PKHD1L1: variants seen among roughly 807,000 people sequenced by gnomAD.
The protein encoded by PKHD1L1 is PKHD1 like 1.
A neutral mutation model predicts 462.9 loss-of-function variants in PKHD1L1; 434 were observed. The observed-to-expected ratio is 0.94, with a 90% CI of 0.87 to 1.02. The LOEUF (loss-of-function observed/expected upper bound fraction) is 1.02. PKHD1L1 is among the 50% of genes least tolerant of loss of function. The pLI is 0.00. For synonymous variants in PKHD1L1, 1,781 were observed against 1,750.0 expected, an observed-to-expected ratio of 1.02 and a Z score of -0.44; for missense variants, 5,202 against 5,096.1, an observed-to-expected ratio of 1.02 and a Z score of -0.63.
At chr8:109,363,784 C>CGGAA (rs1811094342) in intron 1 of PKHD1L1, among the ~76,000 whole-genome samples, 1 of 152,122 alleles carries the variant, frequency 6.6e-6, no homozygotes, top group Non-Finnish European at 1.5e-5. Context: ...CATATTTGTC[C>CGGAA]TTAAAAATGT....
chr8:109,409,644 G>A (rs1341697912), intron 18 of PKHD1L1, among the ~76,000 whole-genome samples: 1 of 152,122 alleles, frequency 6.6e-6, no homozygotes. Flanking sequence ...CCAATTGTAT[G>A]TAACTATTGT....
intron 50 of PKHD1L1, among the ~76,000 whole-genome samples, chr8:109,472,696 G>C (rs1003104469): frequency 2.1e-5 from 3 of 140,212 alleles, no homozygotes; most frequent in African/African-American, 8.0e-5. Flanking sequence ...ACTATGCTAG[G>C]CATTTTACTT....
Position 109,429,433 on chromosome 8 carries a change from C to T in PKHD1L1, c.3094C>T (p.Leu1032=). The T allele has an allele frequency of 6.2e-7, 1 of 1,607,806 alleles. No individual in the cohort carries two copies. The highest frequency in any genetic ancestry group is 8.5e-7 in the Non-Finnish European group (1 of 1,176,676). ...GLFRQHVLGD[L]LRTPSQQPQV... is the part of the protein sequence containing the mutation. ...ATTCAGACAACATGTACTTGGAGAC[C>T]TACTTCGTACACCCAGTCAACAGCC... The change falls in exon 26 of 78, where the codon CTA becomes TTA. Residue 1032 remains leucine, a synonymous_variant. Transcript: ENST00000378402.
intron 50 of PKHD1L1, among the ~76,000 whole-genome samples, chr8:109,474,764 T>TCC (rs1247531475): frequency 6.6e-6 from 1 of 152,122 alleles, no homozygotes; most frequent in Non-Finnish European, 1.5e-5. Context: ...TATATTAATA[T>TCC]ATTTAGGCAC....
At chr8:109,477,153 T>A in intron 52 of PKHD1L1, 72 bp from the exon 53 acceptor site, 1 of 1,499,924 alleles carries the variant, frequency 6.7e-7, no homozygotes, top group Admixed American at 1.9e-5. Context: ...TTTTCCAAAA[T>A]TCCATAATTT....
intron 46 of PKHD1L1, among the ~76,000 whole-genome samples, chr8:109,458,225 T>C (rs957818407): frequency 6.6e-6 from 1 of 152,158 alleles, no homozygotes; most frequent in Non-Finnish European, 1.5e-5. Context: ...ATTATCATCA[T>C]TCATTATTTC....
At chr8:109,370,473 ATATTTTATTTTATT>A (rs1379043048) in intron 2 of PKHD1L1, among the ~76,000 whole-genome samples, 1 of 151,216 alleles carries the variant, frequency 6.6e-6, no homozygotes, top group Non-Finnish European at 1.5e-5. Context: ...ATTTTTTCTT[ATATTTTATTTTATT>A]TATTTTATTT....
Position 109,530,088 on chromosome 8 carries a change from T to C in PKHD1L1, c.12730T>C (p.Ter4244GlnextTer16). 1 of 1,366,358 alleles carries C rather than the reference T, an allele frequency of 7.3e-7. No homozygotes were observed. The highest frequency in any genetic ancestry group is 9.6e-7 in the Non-Finnish European group (1 of 1,039,228). The allele number at this position is 1,366,358 out of a possible 1,614,324, so 84.6% of individuals were successfully genotyped here. Reference protein sequence around the residue: ...STLNITLRSY* With the variant: ...STLNITLRSYQ The stretch of plus-strand genomic sequence containing the variant: ...TTGTTTCCATTTTTCAGGAAGCTAC[T>C]AAAGTGCTGTTCCGAAGAATAGGCT... Residue 4244 changes from the stop codon to glutamine, a stop_lost, in exon 78 of 78, where the codon TAA (stop) becomes CAA (glutamine). Transcript: ENST00000378402.
In PKHD1L1 at chr8:109,515,251, A is replaced by G. The variant is rs1820207263; in HGVS notation, c.11635A>G (p.Thr3879Ala). ...VNNLLVCPKT[T>A]IWNAQQKHCE... ...CAACTTATTGGTCTGTCCAAAAACT[A>G]CAATATGGAATGCCCAGCAGAAACA... The change falls in exon 72 of 78, where the codon ACA becomes GCA. Residue 3879 changes from threonine (T) to alanine (A), a missense_variant. Physicochemically the swap from Thr to Ala is moderately conservative, Grantham distance 58. Transcript: ENST00000378402. 6.2e-7 allele frequency: 1 copy of G among 1,603,532 alleles called. No individual in the cohort carries two copies. Among genetic ancestry groups the G allele is most frequent in the Admixed American group, 1.7e-5 (1 of 59,050 alleles).
chr8:109,437,698 C>A (rs1027145401), intron 30 of PKHD1L1, among the ~76,000 whole-genome samples: 3 of 151,536 alleles, frequency 2.0e-5, no homozygotes, highest in Non-Finnish European at 4.4e-5. Flanking sequence ...TTTTTTGGAC[C>A]AAATGATGGA....
chr8:109,491,943 C>G lies in PKHD1L1; in HGVS notation c.10185C>G (p.Thr3395=), dbSNP rs577711715. The change falls in exon 62 of 78, where the codon ACC becomes ACG. Residue 3395 remains threonine, a synonymous_variant. Transcript: ENST00000378402. ...TTGCACTTTCGGTTTGGCCAGGAAC[C>G]TATCAGAACAGAAAAGATTTAAGTT... The part of the protein sequence containing the change: ...NLIALSVWPG[T]YQNRKDLSST... The G allele has an allele frequency of 3.8e-6, 6 of 1,599,202 alleles. No homozygotes were observed. In the South Asian group the frequency reaches 5.6e-5, roughly 15 times the overall value.
chr8:109,502,896 AG>A (rs534751751), intron 67 of PKHD1L1, among the ~76,000 whole-genome samples: 104 of 152,332 alleles, frequency 6.8e-4, no homozygotes, highest in African/African-American at 2.0e-3. Flanking sequence ...TTGAGGCAAA[AG>A]GTTCTTCCAT....
intron 73 of PKHD1L1, among the ~76,000 whole-genome samples, chr8:109,521,038 T>G (rs559641289): frequency 2.0e-4 from 30 of 152,242 alleles, no homozygotes; most frequent in Non-Finnish European, 3.8e-4. Context: ...TGGAGAAGGC[T>G]GTTTCTGGAG....
chr8:109,482,982 T>G lies in PKHD1L1; in HGVS notation c.9458-5T>G. On this transcript the variant is annotated splice_polypyrimidine_tract_variant and splice_region_variant and intron_variant, in intron 56 of 77. Transcript: ENST00000378402. ...AATAAGTAGGAGTGTGCTTTTCTTC[T>G]TTAGGGGTGTTTGGTGAGCTGGATC... 1.9e-6 allele frequency: 3 copies of G among 1,577,924 alleles called. No homozygotes were observed. The highest frequency in any genetic ancestry group is 2.6e-6 in the Non-Finnish European group (3 of 1,160,500).
At chr8:109,364,911 G>A (rs1811157076) in intron 2 of PKHD1L1, among the ~76,000 whole-genome samples, 1 of 152,068 alleles carries the variant, frequency 6.6e-6, no homozygotes, top group Non-Finnish European at 1.5e-5. Context: ...ACCCAACTCA[G>A]CAATTATTTG....
Position 109,459,615 on chromosome 8 carries a change from A to C in PKHD1L1, c.7025A>C (p.Glu2342Ala). The change falls in exon 47 of 78, where the codon GAA becomes GCA. Residue 2342 changes from glutamate to alanine, a missense_variant. This residue lies in a region of PKHD1L1 where 4,497 missense variants were observed against 4,336.8 expected (regional missense o/e 1.04). Coordinates refer to ENST00000378402, the MANE Select transcript of PKHD1L1 (RefSeq NM_177531.6). ...TGHRHSQGEN[E>A]KMTIASVSAD... Reference sequence around the variant, plus strand: ...TACAGACACAGTCAAGGAGAGAATGAAAAAATGACCATTGCATCTGTGTCT... The same window carrying C: ...TACAGACACAGTCAAGGAGAGAATGCAAAAATGACCATTGCATCTGTGTCT... The C allele has an allele frequency of 2.6e-6, 4 of 1,567,670 alleles. No individual in the cohort carries two copies. The highest frequency in any genetic ancestry group is 3.5e-6 in the Non-Finnish European group (4 of 1,155,462).
At chr8:109,411,211 T>C (rs1044501918) in intron 19 of PKHD1L1, among the ~76,000 whole-genome samples, 4 of 152,208 alleles carry the variant, frequency 2.6e-5, no homozygotes, top group African/African-American at 4.8e-5. Flanking sequence ...CTTAATGAGA[T>C]ATTTTCTTTA....
rs149878046 is a variant in PKHD1L1, at chr8:109,481,592, C to T, written c.9457+30C>T. On this transcript the variant is annotated intron_variant, in intron 56 of 77. Coordinates refer to ENST00000378402, the MANE Select transcript of PKHD1L1 (RefSeq NM_177531.6). The stretch of plus-strand genomic sequence containing the variant: ...GTGTCTACAGATACCAAAAGTGTCA[C>T]ATCTGTTTTAAGAATCTACTTTAAA... The T allele has an allele frequency of 5.9e-6, 9 of 1,519,608 alleles. No homozygotes were observed. The Admixed American group carries it at 6.9e-5, about 12-fold the overall frequency. The allele number at this position is 1,519,608 out of a possible 1,614,324, so 94.1% of individuals were successfully genotyped here. A position where few individuals can be genotyped will look rare whatever the true frequency, so the allele number is the denominator to read the frequency against.
At chr8:109,414,203 C>T (rs1463767474) in intron 21 of PKHD1L1, among the ~76,000 whole-genome samples, 2 of 152,034 alleles carry the variant, frequency 1.3e-5, no homozygotes, top group East Asian at 3.8e-4. Flanking sequence ...TCATTTACAA[C>T]AGAAGCAATA....
Sources: allele counts gnomAD v4.1 joint callset (sites outside exome capture counted in the v4.1 genomes callset), GRCh38; gene constraint gnomAD v4.1.1; regional missense constraint gnomAD v4.1.1; transcripts MANE v1.5; gene names NCBI Gene and HGNC (gene_info 2026-07-23, HGNC 2026-07-21).